The following OTUD7A variants were observed in gnomAD, a reference collection of about 807,000 sequenced individuals.
OTUD7A encodes the protein OTU domain-containing protein 7A.
Under a neutral mutation model 65.7 loss-of-function variants are expected in OTUD7A, and 12 were observed. The observed-to-expected ratio is 0.18, with a 90% CI of 0.12 to 0.30. The LOEUF (loss-of-function observed/expected upper bound fraction) is 0.30. OTUD7A is among the 10% of genes least tolerant of loss of function. OTUD7A has a pLI of 1.00. For synonymous variants in OTUD7A, 641 were observed against 586.3 expected (o/e 1.09, Z -1.35); for missense variants, 1,148 against 1,304.8 (o/e 0.88, Z 1.85).
At chr15:31,538,808 A>G (rs1887890772) in intron 5 of OTUD7A, among the ~76,000 whole-genome samples, 1 of 152,154 alleles carries the variant, frequency 6.6e-6, no homozygotes. Context: ...AAGAAAAGAA[A>G]AACGAGTAAA....
At chr15:31,787,597 G>A (rs1318496722) in intron 1 of OTUD7A, 1 of 152,124 alleles carries the variant, frequency 6.6e-6, no homozygotes, top group Non-Finnish European at 1.5e-5. Flanking sequence ...CAACATCAAA[G>A]TACTTAGGCT....
chr15:31,601,888 C>G (rs1471932428), intron 3 of OTUD7A, among the ~76,000 whole-genome samples: 1 of 152,172 alleles, frequency 6.6e-6, no homozygotes, highest in African/African-American at 2.4e-5. Context: ...TATACACCCT[C>G]CCAAGTCTAA....
chr15:31,486,088 T>C (rs1435068529), intron 12 of OTUD7A, among the ~76,000 whole-genome samples: 1 of 152,152 alleles, frequency 6.6e-6, no homozygotes, highest in Non-Finnish European at 1.5e-5. Context: ...CTTCCCACAG[T>C]TGTCTGCTGA....
chr15:31,515,312 G>C (rs1286727211), intron 8 of OTUD7A, among the ~76,000 whole-genome samples: 1 of 152,068 alleles, frequency 6.6e-6, no homozygotes, highest in Non-Finnish European at 1.5e-5. Context: ...CTTCCTGGCA[G>C]AACACTCTGG....
chr15:31,769,644 CTA>C (rs1424074832), intron 1 of OTUD7A, among the ~76,000 whole-genome samples: 1 of 152,210 alleles, frequency 6.6e-6, no homozygotes, highest in African/African-American at 2.4e-5. Flanking sequence ...AAGGAATTAA[CTA>C]TTGATTTCAC....
At chr15:31,797,702 G>C (rs1363741928) in intron 1 of OTUD7A, among the ~76,000 whole-genome samples, 3 of 152,212 alleles carry the variant, frequency 2.0e-5, no homozygotes, top group Non-Finnish European at 4.4e-5. Context: ...CTGGACGCAT[G>C]CTTACAGAAT....
intron 4 of OTUD7A, among the ~76,000 whole-genome samples, chr15:31,564,102 C>A (rs568772972): frequency 8.4e-6 from 1 of 118,622 alleles, no homozygotes; most frequent in East Asian, 8.6e-4. Context: ...AAAGAATTAA[C>A]TTGGGATTAA....
At chr15:31,570,345 T>C in intron 3 of OTUD7A, 148 bp from the exon 4 acceptor site, 1 of 914,320 alleles carries the variant, frequency 1.1e-6, no homozygotes, top group Non-Finnish European at 1.6e-6. Context: ...AGGGGAAAAA[T>C]GGCCCTCTGC....
chr15:31,810,432 G>C (rs553030317), intron 1 of OTUD7A, among the ~76,000 whole-genome samples: 5 of 152,222 alleles, frequency 3.3e-5, no homozygotes, highest in African/African-American at 4.8e-5. Context: ...AAACCAATAG[G>C]GTTTGTGTCC....
chr15:31,866,020 C>T (rs1032252434), intron 1 of OTUD7A, among the ~76,000 whole-genome samples: 10 of 152,248 alleles, frequency 6.6e-5, no homozygotes, highest in East Asian at 3.9e-4. Flanking sequence ...GAAGGAGAAA[C>T]GCAAAATACT....
At position 31,593,871 on chromosome 15, in the gene OTUD7A, T is replaced by C. The variant is rs1392442011; in HGVS notation, c.152-23674A>G. ...GATGTGTAAGCAACAGTGTTTCTAC[T>C]ATTGCCTCAGTGCAGGTGGGAACCT... On this transcript the variant is annotated intron_variant, in intron 3 of 12. Coordinates refer to ENST00000307050, the MANE Select transcript of OTUD7A (RefSeq NM_001382637.1). Among the ~76,000 whole-genome samples the C allele has an allele frequency of 3.9e-5, 6 of 152,190 alleles. 1 individual carries two copies. In the South Asian group the frequency reaches 1.2e-3, roughly 31 times the overall value.
chr15:31,680,564 T>A (rs58315108), intron 1 of OTUD7A, among the ~76,000 whole-genome samples: 8,497 of 152,178 alleles, frequency 0.056, 796 homozygotes, highest in African/African-American at 0.19. Flanking sequence ...GCTATGGTCA[T>A]GAGGGCTCTT....
At chr15:31,848,446 ATT>A (rs199791523) in intron 1 of OTUD7A, among the ~76,000 whole-genome samples, 9 of 151,956 alleles carry the variant, frequency 5.9e-5, no homozygotes, top group African/African-American at 2.2e-4. Flanking sequence ...TGTGCTTTTT[ATT>A]TTTAAAAAAA....
In OTUD7A at chr15:31,484,602, C is replaced by A. The variant is rs1438260003; in HGVS notation, c.1494G>T (p.Lys498Asn). The change falls in exon 13 of 13, where the codon AAG (lysine) becomes AAT (asparagine). Residue 498 changes from lysine to asparagine, a missense_variant. This residue lies in a region of OTUD7A where 842 missense variants were observed against 769.5 expected (regional missense o/e 1.09). Transcript: ENST00000307050. The surrounding 1 kb of genome is among the most constrained non-coding windows in gnomAD (Gnocchi z 4.5). ...VCSNSNSNNG[K>N]NGKDKEKEKQ... ...TCTCCTTCTCCTTGTCCTTGCCGTTCTTGCCGTTATTGCTGTTAGAATTGC... is the reference window on the plus strand; with the variant it reads ...TCTCCTTCTCCTTGTCCTTGCCGTTATTGCCGTTATTGCTGTTAGAATTGC... 6.2e-7 allele frequency: 1 copy of A among 1,606,876 alleles called. No homozygotes were observed.
chr15:31,845,255 G>A lies in OTUD7A; in HGVS notation c.-100+25252C>T, dbSNP rs78416352. ...GCGACATAAACCTGTTTCCCTCATGGCTCTGAACACACCTTGTTCCATGTC... is the reference window on the plus strand; with the variant it reads ...GCGACATAAACCTGTTTCCCTCATGACTCTGAACACACCTTGTTCCATGTC... On this transcript the variant is annotated intron_variant, in intron 1 of 12. Coordinates refer to ENST00000307050, the MANE Select transcript of OTUD7A (RefSeq NM_001382637.1). Among the ~76,000 whole-genome samples the A allele has an allele frequency of 4.7e-3, 719 of 152,268 alleles. 5 individuals are homozygous for A. Among genetic ancestry groups the A allele is most frequent in the African/African-American group, 0.017 (696 of 41,548 alleles).
At chr15:31,488,948 T>C (rs1178079792) in intron 10 of OTUD7A, among the ~76,000 whole-genome samples, 1 of 152,156 alleles carries the variant, frequency 6.6e-6, no homozygotes, top group Non-Finnish European at 1.5e-5. Flanking sequence ...ATTTGAGAGG[T>C]CAGGGGTGGC....
At chr15:31,531,520 C>CAAAAAAAAAAAAAAAAAAAAAACAAA (rs60332452) in intron 5 of OTUD7A, among the ~76,000 whole-genome samples, 1 of 80,164 alleles carries the variant, frequency 1.2e-5, no homozygotes, top group African/African-American at 4.2e-5. Context: ...GAGTAGGCCA[C>CAAAAAAAAAAAAAAAAAAAAAACAAA]AAAAAAAAAA....
At chr15:31,596,149 AG>A (rs1889897582) in intron 3 of OTUD7A, among the ~76,000 whole-genome samples, 2 of 152,194 alleles carry the variant, frequency 1.3e-5, no homozygotes, top group Admixed American at 1.3e-4. Flanking sequence ...GCTGAATGTC[AG>A]GGAACAGGAA....
intron 3 of OTUD7A, among the ~76,000 whole-genome samples, chr15:31,585,975 C>T (rs1595630284): frequency 6.6e-6 from 1 of 152,152 alleles, no homozygotes; most frequent in Non-Finnish European, 1.5e-5. Context: ...ATGACATATG[C>T]ATGTGAATAT....
Sources: gnomAD v4.1 joint callset for allele counts (sites outside exome capture counted in the v4.1 genomes callset) on GRCh38, gnomAD v4.1.1 for gene constraint, gnomAD v4.1.1 regional missense constraint, Gnocchi (gnomAD v3.1) non-coding constraint, MANE v1.5 for transcripts, NCBI Gene and HGNC (gene_info 2026-07-23, HGNC 2026-07-21) for gene names.